The following CSMD1 variants were observed in gnomAD, a reference collection of about 807,000 sequenced individuals.
CSMD1 encodes CUB and sushi domain-containing protein 1.
Under a neutral mutation model 417.5 loss-of-function variants are expected in CSMD1, and 213 were observed. The observed-to-expected ratio is 0.51, with a 90% CI of 0.46 to 0.57. The LOEUF is 0.57. Ranked by LOEUF, CSMD1 falls within the 20% of genes least tolerant of loss-of-function variation. The probability of loss-of-function intolerance (pLI) is 0.00; values close to 1 mark genes in which losing one functional copy is unlikely to be tolerated. For missense variants in CSMD1, 6,923 were observed against 4,529.7 expected (o/e 1.53, Z -15.17); for synonymous variants, 2,862 against 1,736.8 (o/e 1.65, Z -16.11).
intron 7 of CSMD1, among the ~76,000 whole-genome samples, chr8:3,682,752 T>C (rs1239602083): frequency 3.9e-5 from 6 of 152,224 alleles, no homozygotes; most frequent in South Asian, 2.1e-4. Flanking sequence ...CGTATGTTTA[T>C]TGCGGCACTA....
chr8:4,342,989 G>T (rs763932329), intron 3 of CSMD1, among the ~76,000 whole-genome samples: 4 of 152,118 alleles, frequency 2.6e-5, no homozygotes, highest in Non-Finnish European at 5.9e-5. Flanking sequence ...ATTCCAAGCT[G>T]TAGCGTAGAT....
intron 12 of CSMD1, among the ~76,000 whole-genome samples, chr8:3,434,321 G>C (rs981918028): frequency 2.0e-5 from 3 of 152,120 alleles, no homozygotes; most frequent in African/African-American, 4.8e-5. Flanking sequence ...ATTACCAGTA[G>C]ATGTTCCTAT....
chr8:4,532,571 T>G (rs1464818035), intron 2 of CSMD1, among the ~76,000 whole-genome samples: 1 of 127,264 alleles, frequency 7.9e-6, no homozygotes, highest in Non-Finnish European at 1.6e-5. Context: ...AGAGAAATCC[T>G]GCACCCCCAT....
intron 2 of CSMD1, among the ~76,000 whole-genome samples, chr8:4,612,013 A>G (rs145243423): frequency 1.3e-5 from 2 of 152,136 alleles, no homozygotes; most frequent in Non-Finnish European, 2.9e-5. Context: ...TCAAATTTTA[A>G]CCATCTAATT....
chr8:4,465,310 G>C (rs1319316325), intron 2 of CSMD1, among the ~76,000 whole-genome samples: 11 of 152,122 alleles, frequency 7.2e-5, no homozygotes, highest in Admixed American at 6.5e-5. Flanking sequence ...GGATGTCTTG[G>C]TGAAGATGAC....
At chr8:4,329,933 T>C (rs1280009286) in intron 3 of CSMD1, among the ~76,000 whole-genome samples, 1 of 152,168 alleles carries the variant, frequency 6.6e-6, no homozygotes, top group Admixed American at 6.5e-5. Context: ...TCTGCTCCCC[T>C]TTTGCTTTCT....
intron 2 of CSMD1, among the ~76,000 whole-genome samples, chr8:4,608,530 G>T (rs933013435): frequency 6.6e-6 from 1 of 152,186 alleles, no homozygotes; most frequent in Non-Finnish European, 1.5e-5. Flanking sequence ...CTCCATAAGA[G>T]ACGCCAGTAC....
At chr8:3,285,266 G>C (rs979082989) in intron 25 of CSMD1, among the ~76,000 whole-genome samples, 6 of 152,174 alleles carry the variant, frequency 3.9e-5, no homozygotes, top group African/African-American at 1.4e-4. Context: ...ATGTCACCCT[G>C]TGTAAGGTAT....
At chr8:4,882,259 C>G (rs573830611) in intron 1 of CSMD1, among the ~76,000 whole-genome samples, 25 of 151,752 alleles carry the variant, frequency 1.6e-4, no homozygotes, top group Non-Finnish European at 3.2e-4. Flanking sequence ...GGGTGGATGT[C>G]GCCCCTTCTC....
intron 4 of CSMD1, among the ~76,000 whole-genome samples, chr8:4,010,015 C>G (rs533857239): frequency 2.0e-5 from 3 of 152,156 alleles, no homozygotes; most frequent in Non-Finnish European, 4.4e-5. Flanking sequence ...TCCTATGCTC[C>G]TGAATGTCTC....
intron 6 of CSMD1, among the ~76,000 whole-genome samples, chr8:3,709,038 C>A (rs1026684348): frequency 4.8e-4 from 73 of 152,150 alleles, no homozygotes; most frequent in African/African-American, 1.7e-3. Flanking sequence ...TCCCTCCAGA[C>A]GCTTTCCAGG....
At chr8:3,810,657 G>A (rs946017233) in intron 5 of CSMD1, among the ~76,000 whole-genome samples, 1 of 152,176 alleles carries the variant, frequency 6.6e-6, no homozygotes, top group African/African-American at 2.4e-5. Context: ...ATAAAACTTT[G>A]AGAAAGTAGC....
At chr8:3,398,505 T>C (rs1811836500) in intron 16 of CSMD1, among the ~76,000 whole-genome samples, 1 of 152,174 alleles carries the variant, frequency 6.6e-6, no homozygotes, top group East Asian at 1.9e-4. Context: ...GTGTTGATGT[T>C]AGCATTGATC....
At chr8:4,806,590 A>C (rs1798601197) in intron 1 of CSMD1, among the ~76,000 whole-genome samples, 1 of 152,214 alleles carries the variant, frequency 6.6e-6, no homozygotes, top group South Asian at 2.1e-4. Context: ...ATATTTTTCA[A>C]AAAGGTAATT....
intron 5 of CSMD1, among the ~76,000 whole-genome samples, chr8:3,995,466 G>C (rs1405726443): frequency 1.6e-4 from 24 of 152,174 alleles, no homozygotes; most frequent in Non-Finnish European, 5.9e-5. Context: ...TTATGATCCA[G>C]CCTGTAGTCC....
intron 2 of CSMD1, among the ~76,000 whole-genome samples, chr8:4,624,939 C>T (rs542663927): frequency 2.0e-5 from 3 of 152,264 alleles, no homozygotes; most frequent in African/African-American, 7.2e-5. Flanking sequence ...TGGTAGAGAA[C>T]AGCAGTTTTC....
At chr8:3,222,228 G>A (rs868128742) in intron 28 of CSMD1, among the ~76,000 whole-genome samples, 1 of 152,062 alleles carries the variant, frequency 6.6e-6, no homozygotes, top group Middle Eastern at 3.2e-3. Context: ...AAAAACCCTT[G>A]CACAAAACTG....
chr8:4,607,602 C>A (rs1563329738), intron 2 of CSMD1, among the ~76,000 whole-genome samples: 1 of 152,260 alleles, frequency 6.6e-6, no homozygotes, highest in African/African-American at 2.4e-5. Context: ...CCATGTCCGC[C>A]AACATCATGA....
intron 1 of CSMD1, among the ~76,000 whole-genome samples, chr8:4,705,859 T>G (rs867118083): frequency 2.0e-5 from 3 of 152,192 alleles, no homozygotes; most frequent in Non-Finnish European, 4.4e-5. Flanking sequence ...TGGGGGCACT[T>G]TAAAATATAC....
Sources: allele counts gnomAD v4.1 joint callset (sites outside exome capture counted in the v4.1 genomes callset), GRCh38; gene constraint gnomAD v4.1.1; transcripts MANE v1.5; gene names NCBI Gene and HGNC (gene_info 2026-07-23, HGNC 2026-07-21).